Variants in MED12L observed in about 807,000 individuals in gnomAD.
The protein encoded by MED12L is mediator complex subunit 12L, also known as mediator of RNA polymerase II transcription subunit 12-like protein.
Under a neutral mutation model 281.3 loss-of-function variants are expected in MED12L, and 60 were observed. That is an observed-to-expected ratio of 0.21 (90% CI 0.17 to 0.26). The LOEUF is 0.26. Among genes scored for constraint, MED12L ranks in the 10% least tolerant of loss-of-function variants. MED12L has a pLI of 1.00. For missense variants in MED12L, 2,146 were observed against 2,680.9 expected (o/e 0.80, Z 4.41); for synonymous variants, 974 against 987.2 (o/e 0.99, Z 0.25).
chr3:151,224,201 C>T (rs1300535703), intron 16 of MED12L, among the ~76,000 whole-genome samples: 4 of 151,986 alleles, frequency 2.6e-5, no homozygotes, highest in African/African-American at 9.7e-5. Context: ...ATTTTTCTTC[C>T]TCTTCTTTTT....
At chr3:151,250,892 C>T (rs1486976799) in intron 16 of MED12L, among the ~76,000 whole-genome samples, 1 of 152,196 alleles carries the variant, frequency 6.6e-6, no homozygotes, top group Non-Finnish European at 1.5e-5. Flanking sequence ...CAACAGTGCA[C>T]AAAGGTGTCA....
At position 151,254,546 on chromosome 3, in the gene MED12L, A is replaced by G. The variant is rs143539636; in HGVS notation, c.2250+60880A>G. ...ATAAATGTTAGCTGTTATTATTTCA[A>G]TATTATAATTTGAACCAAACCTTAT... is the stretch of plus-strand genomic sequence containing the variant. On this transcript the variant is annotated intron_variant, in intron 16 of 44. Transcript: ENST00000687756. Among the ~76,000 whole-genome samples, 793 of 152,346 alleles carry G rather than the reference A, an allele frequency of 5.2e-3. 12 individuals are homozygous for G. Among genetic ancestry groups the G allele is most frequent in the African/African-American group, 0.018 (730 of 41,578 alleles).
At chr3:151,357,565 A>G (rs1168323550) in intron 20 of MED12L, among the ~76,000 whole-genome samples, 189 bp downstream of exon 20, 1 of 152,156 alleles carries the variant, frequency 6.6e-6, no homozygotes, top group African/African-American at 2.4e-5. Context: ...CTTTCTAATA[A>G]TGTGTGATTC....
intron 16 of MED12L, chr3:151,316,426 C>T (rs1050385003): frequency 6.6e-6 from 1 of 152,176 alleles, no homozygotes; most frequent in African/African-American, 2.4e-5. Context: ...ACAGTTGAAG[C>T]TTCATGGCTC....
At chr3:151,392,876 A>T (rs889755431) in intron 38 of MED12L, among the ~76,000 whole-genome samples, 10 of 152,204 alleles carry the variant, frequency 6.6e-5, no homozygotes, top group African/African-American at 2.4e-4. Flanking sequence ...AGTTAGGAAA[A>T]TTTTTAAAAA....
intron 16 of MED12L, among the ~76,000 whole-genome samples, chr3:151,291,699 T>C (rs755128320): frequency 1.4e-4 from 22 of 152,204 alleles, no homozygotes; most frequent in Non-Finnish European, 2.9e-4. Flanking sequence ...TAGAGTATTA[T>C]GTAACTTCTG....
Position 151,295,134 on chromosome 3 carries a change from T to C in MED12L, c.2251-54925T>C, listed in dbSNP as rs761991856. ...GGCAAGACAATTGTGTCAAATTCAT[T>C]GTGAAGGGTGGTGTTCTTTCCTGGC... On this transcript the variant is annotated intron_variant, in intron 16 of 44. Transcript: ENST00000687756. 7.4e-6 allele frequency: 12 copies of C among 1,613,448 alleles called. No individual in the cohort carries two copies. The highest frequency in any genetic ancestry group is 1.0e-5 in the Non-Finnish European group (12 of 1,179,608).
At chr3:151,269,012 C>T (rs1740355394) in intron 16 of MED12L, among the ~76,000 whole-genome samples, 1 of 152,318 alleles carries the variant, frequency 6.6e-6, no homozygotes, top group South Asian at 2.1e-4. Context: ...AAAACCAAGA[C>T]TACTTCCTGC....
rs369040010 is a variant in MED12L, at chr3:151,107,608, A to G, written c.100-8730A>G. ...GGGAATGGCATGATGTAAGGCTTAG[A>G]GGTTGAAAAGACAGCGTATGTGGGA... is the stretch of plus-strand genomic sequence containing the variant. On this transcript the variant is annotated intron_variant, in intron 2 of 44. Coordinates refer to ENST00000687756, the MANE Select transcript of MED12L (RefSeq NM_001393769.1). 2.1e-4 allele frequency among the ~76,000 whole-genome samples: 32 copies of G among 152,314 alleles called. No homozygotes were observed. In the East Asian group the frequency reaches 5.8e-3, roughly 27 times the overall value.
At chr3:151,242,216 C>A (rs1379424413) in intron 16 of MED12L, among the ~76,000 whole-genome samples, 1 of 152,264 alleles carries the variant, frequency 6.6e-6, no homozygotes, top group Non-Finnish European at 1.5e-5. Context: ...CGCCATTGCC[C>A]AGGCTTGATT....
chr3:151,192,725 T>G, intron 15 of MED12L, 71 bp downstream of exon 15: 1 of 929,364 alleles, frequency 1.1e-6, no homozygotes, highest in Non-Finnish European at 1.7e-6. Context: ...GTCTCGATCC[T>G]TCTGTGTTCT....
intron 42 of MED12L, 48 bp downstream of exon 42, chr3:151,413,343 CA>C: frequency 6.4e-7 from 1 of 1,558,032 alleles, no homozygotes; most frequent in Non-Finnish European, 8.7e-7. Flanking sequence ...TCAGACAGTG[CA>C]AATATGCAAC....
At chr3:151,193,737 A>C in intron 16 of MED12L, 71 bp downstream of exon 16, 1 of 1,309,952 alleles carries the variant, frequency 7.6e-7, no homozygotes, top group Non-Finnish European at 1.1e-6. Flanking sequence ...TGAACGTCAG[A>C]TTATTCAACT....
At chr3:151,221,046 A>G (rs931830885) in intron 16 of MED12L, among the ~76,000 whole-genome samples, 1 of 152,150 alleles carries the variant, frequency 6.6e-6, no homozygotes, top group African/African-American at 2.4e-5. Context: ...CTCAGATGGA[A>G]ATGAGGAACT....
chr3:151,201,478 C>T (rs560268514), intron 16 of MED12L, among the ~76,000 whole-genome samples: 4 of 152,224 alleles, frequency 2.6e-5, no homozygotes, highest in South Asian at 2.1e-4. Context: ...GAAACTTTAT[C>T]GATAGCCTGT....
At chr3:151,145,436 C>G (rs139313105) in intron 5 of MED12L, among the ~76,000 whole-genome samples, 1 of 152,198 alleles carries the variant, frequency 6.6e-6, no homozygotes, top group Non-Finnish European at 1.5e-5. Flanking sequence ...CCTGACCCTT[C>G]TGAGTATCAG....
At chr3:151,396,766 T>G (rs57781984) in intron 39 of MED12L, among the ~76,000 whole-genome samples, 42,142 of 152,094 alleles carry the variant, frequency 0.28, 7,174 homozygotes, top group Non-Finnish European at 0.38. Context: ...AAATTAACTT[T>G]GAAGTACTTG....
intron 16 of MED12L, among the ~76,000 whole-genome samples, chr3:151,290,220 T>G (rs1186575598): frequency 6.6e-6 from 1 of 152,190 alleles, no homozygotes; most frequent in Non-Finnish European, 1.5e-5. Context: ...AGTTGGCCAG[T>G]TTACTTTTAT....
chr3:151,282,644 A>G (rs1024288124), intron 16 of MED12L, among the ~76,000 whole-genome samples: 2 of 152,208 alleles, frequency 1.3e-5, no homozygotes, highest in African/African-American at 4.8e-5. Context: ...TTTTACTTGT[A>G]GAATGGGGGT....
Sources: allele counts gnomAD v4.1 joint callset (sites outside exome capture counted in the v4.1 genomes callset), GRCh38; gene constraint gnomAD v4.1.1; transcripts MANE v1.5; gene names NCBI Gene and HGNC (gene_info 2026-07-23, HGNC 2026-07-21).